OPA3: variants seen among roughly 807,000 people sequenced by gnomAD.
OPA3 encodes the protein optic atrophy 3 protein.
Under a neutral mutation model 4.0 loss-of-function variants are expected in OPA3, and 6 were observed. The ratio of observed to expected loss-of-function variants is 1.51; its 90% CI spans 0.83 to 2.99. The LOEUF is 2.99. Ranked by LOEUF, OPA3 falls within the 30% of genes most tolerant of loss-of-function variation. The probability of loss-of-function intolerance (pLI) is 0.00; values close to 1 mark genes in which losing one functional copy is unlikely to be tolerated. For synonymous variants in OPA3, 105 were observed against 117.1 expected, an observed-to-expected ratio of 0.90 and a Z score of 0.67; for missense variants, 235 against 256.2, an observed-to-expected ratio of 0.92 and a Z score of 0.56.
At chr19:45,561,947 AAAT>A (rs1969509121) in intron 1 of OPA3, among the ~76,000 whole-genome samples, 1 of 151,792 alleles carries the variant, frequency 6.6e-6, no homozygotes, top group Non-Finnish European at 1.5e-5. Flanking sequence ...TCCGTCTCAA[AAAT>A]AAATAAATAA....
In OPA3 at chr19:45,537,407, A is replaced by AAAAAAAAAAAAAAC. The variant is rs1568396387; in HGVS notation, c.143-7952_143-7951insGTTTTTTTTTTTTT. Among the ~76,000 whole-genome samples the AAAAAAAAAAAAAAC allele has an allele frequency of 2.8e-4, 35 of 125,518 alleles. 1 individual carries two copies. Among genetic ancestry groups the AAAAAAAAAAAAAAC allele is most frequent in the South Asian group, 1.7e-3 (6 of 3,510 alleles). 82.3% of individuals were successfully genotyped at this position (125,518 alleles called of 152,430 possible). A position where few individuals can be genotyped will look rare whatever the true frequency, so the allele number is the denominator to read the frequency against. ...GCAAGACTCTGTCTCAAAAAAAAAA[A>AAAAAAAAAAAAAAC]AAAAAAAAAAAAAAACAAGAAAAGA... On this transcript the variant is annotated intron_variant, in intron 1 of 1. Coordinates refer to the OPA3 transcript ENST00000323060.
chr19:45,580,780 G>C (rs1307255933), intron 1 of OPA3, among the ~76,000 whole-genome samples: 1 of 151,890 alleles, frequency 6.6e-6, no homozygotes, highest in Non-Finnish European at 1.5e-5. Flanking sequence ...CACCACACCT[G>C]CCTAATTTTG....
chr19:45,569,701 C>G (rs1969633283), intron 1 of OPA3, among the ~76,000 whole-genome samples: 1 of 152,146 alleles, frequency 6.6e-6, no homozygotes, highest in South Asian at 2.1e-4. Context: ...TGAAGCGTTA[C>G]CCTCACTTAC....
chr19:45,567,555 C>T (rs948504184), intron 1 of OPA3, among the ~76,000 whole-genome samples: 2 of 151,930 alleles, frequency 1.3e-5, no homozygotes, highest in East Asian at 1.9e-4. Flanking sequence ...AGAGTAATGA[C>T]GATGTTTTAT....
chr19:45,581,658 T>C (rs1013189657), intron 1 of OPA3, among the ~76,000 whole-genome samples: 1 of 152,142 alleles, frequency 6.6e-6, no homozygotes, highest in Admixed American at 6.5e-5. Flanking sequence ...AAGGAAATAA[T>C]GAATGGATGG....
Position 45,533,624 on chromosome 19 carries a change from C to T in OPA3, c.143-4168G>A, listed in dbSNP as rs28429936. On this transcript the variant is annotated intron_variant, in intron 1 of 1. Coordinates refer to the OPA3 transcript ENST00000323060. ...TCCTAATCCAGGAGAGGTCAGTTCA[C>T]CAGTAAGTCCGTACTCCAGGGCAGG... Among the ~76,000 whole-genome samples the T allele has an allele frequency of 9.8e-3, 1,490 of 152,334 alleles. 25 individuals are homozygous for T. The highest frequency in any genetic ancestry group is 0.034 in the African/African-American group (1,424 of 41,566).
chr19:45,550,656 A>T lies in OPA3; in HGVS notation c.*2858T>A. On this transcript the variant is annotated 3_prime_UTR_variant, in exon 2 of 2. Transcript: ENST00000263275. ...CCTGGCCTTAGTTTCCCCAGCTCAT[A>T]GGGTGACTCTTGGGCCTCTCCCCAT... The T allele has an allele frequency of 1.0e-6, 1 of 985,976 alleles. No individual in the cohort carries two copies. 61.1% of individuals were successfully genotyped at this position (985,976 alleles called of 1,614,324 possible).
chr19:45,537,809 TTC>T (rs1179501555), intron 1 of OPA3, among the ~76,000 whole-genome samples: 6 of 152,110 alleles, frequency 3.9e-5, no homozygotes, highest in Admixed American at 1.3e-4. Context: ...AGCTTCAGCT[TTC>T]TCTCTTTAAA....
intron 1 of OPA3, among the ~76,000 whole-genome samples, chr19:45,557,543 C>G (rs1969439672): frequency 6.6e-6 from 1 of 152,136 alleles, no homozygotes; most frequent in South Asian, 2.1e-4. Flanking sequence ...CCTGGCCCCA[C>G]ACCTGTCCCC....
At chr19:45,559,896 G>A (rs911631501) in intron 1 of OPA3, among the ~76,000 whole-genome samples, 6 of 152,062 alleles carry the variant, frequency 3.9e-5, no homozygotes, top group Non-Finnish European at 7.4e-5. Flanking sequence ...GCACAGACCT[G>A]GACTCAAATC....
chr19:45,583,308 C>T (rs983779406), intron 1 of OPA3, among the ~76,000 whole-genome samples: 1 of 151,930 alleles, frequency 6.6e-6, no homozygotes, highest in Non-Finnish European at 1.5e-5. Flanking sequence ...CCAGCCACCA[C>T]GCCCGGCTAA....
At chr19:45,565,389 G>T (rs1051139534) in intron 1 of OPA3, among the ~76,000 whole-genome samples, 6 of 152,054 alleles carry the variant, frequency 3.9e-5, no homozygotes, top group African/African-American at 1.4e-4. Context: ...CAGCGCTTTG[G>T]GAGGTCGAGG....
intron 1 of OPA3, 135 bp downstream of exon 1, chr19:45,584,488 A>G (rs1969902552): frequency 1.9e-6 from 3 of 1,561,142 alleles, no homozygotes; most frequent in East Asian, 2.3e-5. Context: ...TCTATCAGAA[A>G]CCCCCCACTA....
chr19:45,560,349 G>A lies in OPA3; in HGVS notation c.143-6438C>T, dbSNP rs567129338. Among the ~76,000 whole-genome samples, 23 of 152,270 alleles carry A rather than the reference G, an allele frequency of 1.5e-4. No homozygotes were observed. The South Asian group carries it at 4.1e-3, about 27-fold the overall frequency. The stretch of plus-strand genomic sequence containing the variant: ...GTCTCTCCAACTGGACTGTGAGGCC[G>A]ATGCAGGCAGGACCTGAGGCTAACT... On this transcript the variant is annotated intron_variant, in intron 1 of 1. Coordinates refer to ENST00000263275, the MANE Select transcript of OPA3 (RefSeq NM_025136.4).
In OPA3 at chr19:45,546,498, G is replaced by GTTTTTTTT. The variant is rs1568399288; in HGVS notation, c.*7015_*7016insAAAAAAAA. 1.7e-6 allele frequency: 1 copy of GTTTTTTTT among 586,206 alleles called. No homozygotes were observed. The highest frequency in any genetic ancestry group is 2.1e-6 in the Non-Finnish European group (1 of 468,172). The allele number at this position is 586,206 out of a possible 1,614,324, so 36.3% of individuals were successfully genotyped here. The stretch of plus-strand genomic sequence containing the variant: ...GCACACGATGGATTACATAAACTCT[G>GTTTTTTTT]CTTTTTTTTTTTTTTGAGACAGGGT... On this transcript the variant is annotated 3_prime_UTR_variant, in exon 2 of 2. Transcript: ENST00000263275.
chr19:45,563,997 A>G (rs976926928), intron 1 of OPA3, among the ~76,000 whole-genome samples: 2 of 151,906 alleles, frequency 1.3e-5, no homozygotes, highest in African/African-American at 4.8e-5. Flanking sequence ...ACCAAAACAG[A>G]TAATTAAAAC....
intron 1 of OPA3, among the ~76,000 whole-genome samples, chr19:45,554,838 T>C (rs1164625034): frequency 6.6e-6 from 1 of 152,252 alleles, no homozygotes; most frequent in Non-Finnish European, 1.5e-5. Flanking sequence ...GTTGCCAGGC[T>C]GGAGTGCAGT....
At chr19:45,554,013 G>T in intron 1 of OPA3, 102 bp from the exon 2 acceptor site, 1 of 930,410 alleles carries the variant, frequency 1.1e-6, no homozygotes, top group Non-Finnish European at 1.6e-6. Context: ...TAACCCAGGG[G>T]TCTTTTAAAA....
chr19:45,579,708 T>C (rs545960202), intron 1 of OPA3, among the ~76,000 whole-genome samples: 6 of 152,144 alleles, frequency 3.9e-5, no homozygotes, highest in Middle Eastern at 3.4e-3. Flanking sequence ...ATAAATATTA[T>C]TTACAGCATA....
Sources: gnomAD v4.1 joint callset for allele counts (sites outside exome capture counted in the v4.1 genomes callset) on GRCh38, gnomAD v4.1.1 for gene constraint, MANE v1.5 for transcripts, NCBI Gene and HGNC (gene_info 2026-07-23, HGNC 2026-07-21) for gene names.